Variants in SOX6 observed in about 807,000 individuals in gnomAD.
SOX6 encodes transcription factor SOX-6.
SOX6 carries 11 observed loss-of-function variants against 97.8 expected under a neutral mutation model. The observed-to-expected ratio is 0.11, with a 90% CI of 0.07 to 0.19. The LOEUF (loss-of-function observed/expected upper bound fraction) is 0.19. SOX6 is among the 10% of genes least tolerant of loss of function. SOX6 has a pLI of 1.00. For synonymous variants in SOX6, 360 were observed against 371.4 expected (o/e 0.97, Z 0.35); for missense variants, 810 against 1,039.5 (o/e 0.78, Z 3.04).
At chr11:16,033,499 T>C (rs1440830175) in intron 12 of SOX6, among the ~76,000 whole-genome samples, 1 of 152,176 alleles carries the variant, frequency 6.6e-6, no homozygotes, top group Non-Finnish European at 1.5e-5. Context: ...AGAAATCATT[T>C]CATGGCAATC....
chr11:16,154,113 C>A (rs1273201852), intron 6 of SOX6, among the ~76,000 whole-genome samples: 1 of 152,084 alleles, frequency 6.6e-6, no homozygotes, highest in African/African-American at 2.4e-5. Context: ...TTACCTGTTT[C>A]CTATGTTTTG....
chr11:16,672,849 G>A (rs994679896), intron 3 of SOX6, among the ~76,000 whole-genome samples: 4 of 151,986 alleles, frequency 2.6e-5, no homozygotes, highest in Non-Finnish European at 4.4e-5. Context: ...AAAGCAAATG[G>A]AAATCAGAAA....
chr11:16,440,251 G>A (rs925222502), intron 1 of SOX6, among the ~76,000 whole-genome samples: 2 of 152,158 alleles, frequency 1.3e-5, no homozygotes, highest in African/African-American at 4.8e-5. Context: ...AAACGGATTT[G>A]CCGTTCACAC....
chr11:16,670,188 C>A (rs555098711), intron 3 of SOX6, among the ~76,000 whole-genome samples: 1 of 152,254 alleles, frequency 6.6e-6, no homozygotes, highest in East Asian at 1.9e-4. Context: ...GCCCCTCTGC[C>A]ACTGACACAG....
chr11:16,524,019 A>C (rs1177688147), intron 4 of SOX6, among the ~76,000 whole-genome samples: 1 of 152,122 alleles, frequency 6.6e-6, no homozygotes, highest in South Asian at 2.1e-4. Context: ...GAGGGACCAG[A>C]TGGATTCACA....
At chr11:16,531,014 A>C (rs1041814375) in intron 4 of SOX6, among the ~76,000 whole-genome samples, 31 of 144,730 alleles carry the variant, frequency 2.1e-4, no homozygotes, top group Admixed American at 2.1e-4. Flanking sequence ...ATATTCCTCT[A>C]TATATATATA....
intron 1 of SOX6, among the ~76,000 whole-genome samples, chr11:16,418,703 G>C (rs914624831): frequency 2.0e-5 from 3 of 151,978 alleles, no homozygotes; most frequent in African/African-American, 4.8e-5. Context: ...GGAGTGGGAG[G>C]GGGGCCAGGG....
At chr11:16,204,553 TAAGAAAGAAAAAGA>T (rs964182084) in intron 4 of SOX6, among the ~76,000 whole-genome samples, 24 of 141,166 alleles carry the variant, frequency 1.7e-4, no homozygotes, top group African/African-American at 5.0e-4. Context: ...AGAGAAACAT[TAAGAAAGAAAAAGA>T]AAGAAAGAAA....
chr11:16,169,951 T>C (rs564670434), intron 6 of SOX6, among the ~76,000 whole-genome samples: 2 of 152,126 alleles, frequency 1.3e-5, no homozygotes, highest in African/African-American at 4.8e-5. Context: ...GGTAGATTCA[T>C]GTTAATAAAC....
chr11:16,181,328 T>C (rs1017221591), intron 6 of SOX6, among the ~76,000 whole-genome samples: 2 of 151,744 alleles, frequency 1.3e-5, no homozygotes, highest in Admixed American at 6.6e-5. Flanking sequence ...ATTTTTAATA[T>C]ATTTAATAAT....
At position 16,471,136 on chromosome 11, in the gene SOX6, G is replaced by T. The variant is rs187907994; in HGVS notation, c.-5+5179C>A. 8.6e-5 allele frequency among the ~76,000 whole-genome samples: 13 copies of T among 150,922 alleles called. No homozygotes were observed. In the East Asian group the frequency reaches 2.1e-3, roughly 25 times the overall value. ...TTTACTGCTCTGGTAAAATTAAACG[G>T]TCAGAATTACATAATTATTTTTCAT... On this transcript the variant is annotated intron_variant, in intron 1 of 15. Transcript: ENST00000396356.
chr11:16,534,565 T>C (rs953924682), intron 4 of SOX6, among the ~76,000 whole-genome samples: 11 of 152,146 alleles, frequency 7.2e-5, no homozygotes, highest in African/African-American at 2.4e-4. Flanking sequence ...GGAATGTACT[T>C]TCCCATAGAA....
chr11:16,000,201 A>C (rs976270085), intron 13 of SOX6, among the ~76,000 whole-genome samples: 4 of 152,216 alleles, frequency 2.6e-5, no homozygotes, highest in African/African-American at 4.8e-5. Context: ...CTTGCAAAAA[A>C]AAAGAAAAAG....
intron 6 of SOX6, among the ~76,000 whole-genome samples, chr11:16,156,194 A>G (rs1050806356): frequency 2.6e-5 from 4 of 151,888 alleles, no homozygotes; most frequent in African/African-American, 9.7e-5. Context: ...GACCTATTGC[A>G]CTCATATTCA....
intron 4 of SOX6, among the ~76,000 whole-genome samples, chr11:16,539,040 C>G (rs1322470264): frequency 6.6e-6 from 1 of 152,176 alleles, no homozygotes; most frequent in Non-Finnish European, 1.5e-5. Flanking sequence ...AGCACCACAT[C>G]GCACTTATCC....
intron 4 of SOX6, among the ~76,000 whole-genome samples, chr11:16,521,198 T>G (rs1215439637): frequency 6.6e-6 from 1 of 152,192 alleles, no homozygotes; most frequent in Non-Finnish European, 1.5e-5. Flanking sequence ...CCCTGACCCC[T>G]GAACCCCGAG....
intron 2 of SOX6, among the ~76,000 whole-genome samples, chr11:16,731,769 A>G (rs897524406): frequency 1.3e-5 from 2 of 152,216 alleles, no homozygotes; most frequent in African/African-American, 4.8e-5. Context: ...AAAGAAATAA[A>G]GGGTATTCAA....
At chr11:16,535,948 T>C (rs1270226208) in intron 4 of SOX6, among the ~76,000 whole-genome samples, 1 of 152,242 alleles carries the variant, frequency 6.6e-6, no homozygotes, top group African/African-American at 2.4e-5. Context: ...AGATAAGTTA[T>C]TTTTAGTACT....
At chr11:16,212,494 T>G (rs1852259709) in intron 4 of SOX6, among the ~76,000 whole-genome samples, 2 of 152,174 alleles carry the variant, frequency 1.3e-5, no homozygotes, top group Non-Finnish European at 2.9e-5. Context: ...TGATATGCAT[T>G]GCTATTGTAT....
Sources: allele counts gnomAD v4.1 joint callset (sites outside exome capture counted in the v4.1 genomes callset), GRCh38; gene constraint gnomAD v4.1.1; transcripts MANE v1.5; gene names NCBI Gene and HGNC (gene_info 2026-07-23, HGNC 2026-07-21).